The following FMNL2 variants were observed in gnomAD, a reference collection of about 807,000 sequenced individuals.
FMNL2 encodes formin-like protein 2.
FMNL2 carries 51 observed loss-of-function variants against 130.2 expected under a neutral mutation model. The ratio of observed to expected loss-of-function variants is 0.39; its 90% confidence interval spans 0.31 to 0.49. The LOEUF (loss-of-function observed/expected upper bound fraction) is 0.49. Among genes scored for constraint, FMNL2 ranks in the 20% least tolerant of loss-of-function variants. FMNL2 has a pLI of 0.85. For synonymous variants in FMNL2, 465 were observed against 467.1 expected, an observed-to-expected ratio of 1.00 and a Z score of 0.06; for missense variants, 977 against 1,316.2, an observed-to-expected ratio of 0.74 and a Z score of 3.99.
At chr2:152,515,624 G>A (rs564017396) in intron 1 of FMNL2, among the ~76,000 whole-genome samples, 1 of 152,074 alleles carries the variant, frequency 6.6e-6, no homozygotes, top group African/African-American at 2.4e-5. Flanking sequence ...CATGGAAGGG[G>A]GATGATCATA....
intron 21 of FMNL2, among the ~76,000 whole-genome samples, chr2:152,634,614 G>C (rs1372656189): frequency 6.6e-6 from 1 of 152,214 alleles, no homozygotes; most frequent in African/African-American, 2.4e-5. Context: ...CATTTTCCCT[G>C]CAAAAAGTTG....
chr2:152,574,714 C>T (rs1323387910), intron 6 of FMNL2, among the ~76,000 whole-genome samples: 1 of 152,074 alleles, frequency 6.6e-6, no homozygotes, highest in East Asian at 1.9e-4. Flanking sequence ...TTGCTATCAA[C>T]TAAAAATGAA....
chr2:152,423,654 A>G (rs1176822505), intron 1 of FMNL2, among the ~76,000 whole-genome samples: 2 of 152,138 alleles, frequency 1.3e-5, no homozygotes, highest in African/African-American at 4.8e-5. Flanking sequence ...TCCTCTGTCC[A>G]TTTACCCTCC....
At chr2:152,407,519 C>A (rs554110220) in intron 1 of FMNL2, among the ~76,000 whole-genome samples, 17 of 152,290 alleles carry the variant, frequency 1.1e-4, no homozygotes, top group Middle Eastern at 3.4e-3. Flanking sequence ...GTCCCCAAAT[C>A]TTTTTGTCTG....
At chr2:152,397,765 T>C (rs1558827783) in intron 1 of FMNL2, among the ~76,000 whole-genome samples, 1 of 152,132 alleles carries the variant, frequency 6.6e-6, no homozygotes, top group Non-Finnish European at 1.5e-5. Flanking sequence ...TACCACTGAA[T>C]CTGTAAACTT....
At chr2:152,543,721 C>A (rs1418684994) in intron 3 of FMNL2, among the ~76,000 whole-genome samples, 7 of 138,096 alleles carry the variant, frequency 5.1e-5, no homozygotes, top group African/African-American at 1.6e-4. Flanking sequence ...CACCGCCCAC[C>A]CCCCGACCAA....
chr2:152,499,148 A>G (rs1691673708), intron 1 of FMNL2, among the ~76,000 whole-genome samples: 2 of 152,150 alleles, frequency 1.3e-5, no homozygotes, highest in South Asian at 4.1e-4. Flanking sequence ...CTGATTGGGG[A>G]GTCAAAGTCC....
chr2:152,647,560 T>G (rs541147690), intron 25 of FMNL2, among the ~76,000 whole-genome samples: 1 of 152,240 alleles, frequency 6.6e-6, no homozygotes, highest in African/African-American at 2.4e-5. Context: ...AAATAATCTA[T>G]GTATTTTTCT....
At chr2:152,529,678 C>T (rs1057093192) in intron 2 of FMNL2, among the ~76,000 whole-genome samples, 3 of 152,126 alleles carry the variant, frequency 2.0e-5, no homozygotes, top group East Asian at 1.9e-4. Context: ...ATTTACATTA[C>T]GTCTTTCCTC....
At chr2:152,384,473 G>C (rs932355815) in intron 1 of FMNL2, among the ~76,000 whole-genome samples, 1 of 152,166 alleles carries the variant, frequency 6.6e-6, no homozygotes, top group Non-Finnish European at 1.5e-5. Flanking sequence ...GTAGAACTCA[G>C]CTGGTGGGGA....
chr2:152,465,721 T>C (rs1280299697), intron 1 of FMNL2, among the ~76,000 whole-genome samples: 2 of 152,332 alleles, frequency 1.3e-5, no homozygotes, highest in East Asian at 3.9e-4. Context: ...TCGGCTTTTC[T>C]TTGGAGAGAT....
intron 2 of FMNL2, among the ~76,000 whole-genome samples, chr2:152,532,781 TATTTTTAGTAGAGACAGGGTTTCACC>T (rs1337041665): frequency 6.6e-6 from 1 of 151,960 alleles, no homozygotes; most frequent in East Asian, 1.9e-4. Context: ...CTAATTTTCG[TATTTTTAGTAGAGACAGGGTTTCACC>T]ACGTTGGCCA....
intron 1 of FMNL2, among the ~76,000 whole-genome samples, chr2:152,399,735 CT>C (rs1390179288): frequency 5.3e-5 from 8 of 152,150 alleles, no homozygotes; most frequent in African/African-American, 1.9e-4. Context: ...ATTTGTAAGG[CT>C]TTGCAATCGA....
chr2:152,335,564 A>G lies in FMNL2; in HGVS notation c.-40A>G. ...TGTTCTGATTTCCGACGCGCACGCT[A>G]GGGGCCCGGAGCAGCCCCCGGCCCC... On this transcript the variant is annotated 5_prime_UTR_variant, in exon 1 of 26. Coordinates refer to ENST00000288670, the MANE Select transcript of FMNL2 (RefSeq NM_052905.4). 5.3e-6 allele frequency: 8 copies of G among 1,514,828 alleles called. No individual in the cohort carries two copies. Among genetic ancestry groups the G allele is most frequent in the Non-Finnish European group, 6.3e-6 (7 of 1,114,490 alleles). 93.8% of individuals were successfully genotyped at this position (1,514,828 alleles called of 1,614,324 possible). A position where few individuals can be genotyped will look rare whatever the true frequency, so the allele number is the denominator to read the frequency against.
At chr2:152,580,915 A>G (rs1558980702) in intron 8 of FMNL2, 41 bp from the exon 9 acceptor site, 14 of 1,575,766 alleles carry the variant, frequency 8.9e-6, no homozygotes, top group African/African-American at 1.4e-5. Context: ...TCATCATGCC[A>G]TTTTCACTGA....
chr2:152,428,756 G>C (rs569949334), intron 1 of FMNL2, among the ~76,000 whole-genome samples: 51 of 152,254 alleles, frequency 3.3e-4, no homozygotes, highest in Admixed American at 8.5e-4. Flanking sequence ...CTGTGATGTG[G>C]CTATTGGTCA....
At chr2:152,440,834 A>T (rs1271338631) in intron 1 of FMNL2, among the ~76,000 whole-genome samples, 1 of 152,212 alleles carries the variant, frequency 6.6e-6, no homozygotes, top group Non-Finnish European at 1.5e-5. Context: ...GAATGATGAA[A>T]ACACTACTTA....
At chr2:152,617,297 T>TACTCCAGCTTTCGTCCAGTGGAAC in intron 13 of FMNL2, 105 bp downstream of exon 13, 1 of 983,772 alleles carries the variant, frequency 1.0e-6, no homozygotes, top group Non-Finnish European at 1.5e-6. Flanking sequence ...AATGCATTGA[T>TACTCCAGCTTTCGTCCAGTGGAAC]GCAGCATATT....
intron 9 of FMNL2, among the ~76,000 whole-genome samples, chr2:152,583,315 C>T (rs959324410): frequency 1.4e-4 from 21 of 152,174 alleles, no homozygotes; most frequent in African/African-American, 5.1e-4. Flanking sequence ...GGGAGGTCCT[C>T]AAATGCTGGT....
Sources: gnomAD v4.1 joint callset for allele counts (sites outside exome capture counted in the v4.1 genomes callset) on GRCh38, gnomAD v4.1.1 for gene constraint, MANE v1.5 for transcripts, NCBI Gene and HGNC (gene_info 2026-07-23, HGNC 2026-07-21) for gene names.